Variants in DSCAML1 observed in about 807,000 individuals in gnomAD.
DSCAML1 encodes the protein DS cell adhesion molecule like 1.
Under a neutral mutation model 200.5 loss-of-function variants are expected in DSCAML1, and 38 were observed. The ratio of observed to expected loss-of-function variants is 0.19; its 90% CI spans 0.15 to 0.25. The LOEUF is 0.25. Among genes scored for constraint, DSCAML1 ranks in the 10% least tolerant of loss-of-function variants. The probability of loss-of-function intolerance (pLI) is 1.00; values close to 1 mark genes in which losing one functional copy is unlikely to be tolerated. For synonymous variants in DSCAML1, 1,215 were observed against 1,165.0 expected, an observed-to-expected ratio of 1.04 and a Z score of -0.87; for missense variants, 2,223 against 2,858.8, an observed-to-expected ratio of 0.78 and a Z score of 5.07.
intron 24 of DSCAML1, 45 bp from the exon 25 acceptor site, chr11:117,438,128 G>A: frequency 6.4e-7 from 1 of 1,551,308 alleles, no homozygotes; most frequent in Non-Finnish European, 8.8e-7. Flanking sequence ...GGCAGGGCAA[G>A]GCAGCAGAAG....
chr11:117,601,128 A>G (rs1397052472), intron 3 of DSCAML1, among the ~76,000 whole-genome samples: 1 of 151,068 alleles, frequency 6.6e-6, no homozygotes, highest in East Asian at 2.0e-4. Flanking sequence ...AGCTGTTCCC[A>G]GCCCCCACCC....
chr11:117,757,952 T>G (rs1591478295), intron 3 of DSCAML1, among the ~76,000 whole-genome samples: 1 of 151,978 alleles, frequency 6.6e-6, no homozygotes, highest in African/African-American at 2.4e-5. Context: ...ATGGCGCCAT[T>G]GCATCCAGCG....
intron 3 of DSCAML1, among the ~76,000 whole-genome samples, chr11:117,652,035 C>G (rs757448657): frequency 1.1e-4 from 16 of 152,304 alleles, no homozygotes; most frequent in Middle Eastern, 3.4e-3. Flanking sequence ...GCCTGGTGCT[C>G]TTGGCCTTGC....
At chr11:117,802,800 C>T (rs906423284) in intron 1 of DSCAML1, among the ~76,000 whole-genome samples, 1 of 152,092 alleles carries the variant, frequency 6.6e-6, no homozygotes, top group Non-Finnish European at 1.5e-5. Context: ...TGATTCTCAC[C>T]TAAAAGGATC....
chr11:117,773,552 C>CACAT (rs1021825603), intron 3 of DSCAML1, among the ~76,000 whole-genome samples: 1 of 151,826 alleles, frequency 6.6e-6, no homozygotes, highest in African/African-American at 2.4e-5. Context: ...CACACACACA[C>CACAT]ACACACACAC....
chr11:117,702,643 T>C (rs1290300511), intron 3 of DSCAML1, among the ~76,000 whole-genome samples: 1 of 152,206 alleles, frequency 6.6e-6, no homozygotes, highest in Non-Finnish European at 1.5e-5. Flanking sequence ...TCAGTACACG[T>C]TTGTTGCATG....
intron 1 of DSCAML1, among the ~76,000 whole-genome samples, chr11:117,810,609 C>T (rs960126439): frequency 6.6e-6 from 1 of 152,120 alleles, no homozygotes; most frequent in African/African-American, 2.4e-5. Flanking sequence ...TCCTTAAGAA[C>T]TTAAAACCTC....
intron 11 of DSCAML1, among the ~76,000 whole-genome samples, chr11:117,492,619 G>GTCGC (rs1180148509): frequency 6.6e-6 from 1 of 151,822 alleles, no homozygotes; most frequent in Non-Finnish European, 1.5e-5. Flanking sequence ...AAAGCCTTGT[G>GTCGC]TCGCTGCTCC....
At chr11:117,715,415 G>T (rs894180235) in intron 3 of DSCAML1, among the ~76,000 whole-genome samples, 3 of 152,140 alleles carry the variant, frequency 2.0e-5, no homozygotes, top group African/African-American at 7.2e-5. Flanking sequence ...AGAAGTTAAT[G>T]CACTTCAATG....
At chr11:117,705,791 T>C (rs1385901949) in intron 3 of DSCAML1, among the ~76,000 whole-genome samples, 2 of 152,196 alleles carry the variant, frequency 1.3e-5, no homozygotes, top group Admixed American at 1.3e-4. Context: ...AAGTGTTCCA[T>C]AGTGGGGAAG....
intron 4 of DSCAML1, among the ~76,000 whole-genome samples, chr11:117,529,759 T>TGG (rs1186523270): frequency 6.6e-6 from 1 of 151,854 alleles, no homozygotes; most frequent in Non-Finnish European, 1.5e-5. Flanking sequence ...CACTCGTGCC[T>TGG]GCCTCTCTGT....
At chr11:117,601,845 C>T (rs1232668307) in intron 3 of DSCAML1, among the ~76,000 whole-genome samples, 1 of 152,174 alleles carries the variant, frequency 6.6e-6, no homozygotes, top group Admixed American at 6.5e-5. Context: ...GGTTTTGATT[C>T]ATTGGTTTCT....
chr11:117,752,487 C>T (rs887835558), intron 3 of DSCAML1, among the ~76,000 whole-genome samples: 11 of 152,174 alleles, frequency 7.2e-5, no homozygotes, highest in African/African-American at 2.4e-4. Flanking sequence ...CCCTAAGAAG[C>T]TTAATCCAGA....
chr11:117,569,682 G>A (rs1267448620), intron 3 of DSCAML1, among the ~76,000 whole-genome samples: 4 of 152,166 alleles, frequency 2.6e-5, no homozygotes, highest in Non-Finnish European at 5.9e-5. Flanking sequence ...TCTTCCTGTA[G>A]GCTGAGTGAC....
intron 3 of DSCAML1, among the ~76,000 whole-genome samples, chr11:117,716,409 A>G (rs1341829974): frequency 6.6e-6 from 1 of 152,188 alleles, no homozygotes; most frequent in Non-Finnish European, 1.5e-5. Flanking sequence ...GAAGCGGGTC[A>G]CCAAACAAGA....
chr11:117,495,083 T>C (rs536577636), intron 11 of DSCAML1, among the ~76,000 whole-genome samples: 1 of 152,306 alleles, frequency 6.6e-6, no homozygotes, highest in South Asian at 2.1e-4. Context: ...ACCTTCTCAG[T>C]GCAGAGTGCC....
intron 8 of DSCAML1, among the ~76,000 whole-genome samples, chr11:117,512,761 T>TCACACACAAA (rs2049659773): frequency 8.8e-6 from 1 of 113,090 alleles, no homozygotes; most frequent in African/African-American, 3.6e-5. Context: ...TCCTCTAGGA[T>TCACACACAAA]CACACACACA....
At chr11:117,684,929 G>A (rs10892161) in intron 3 of DSCAML1, among the ~76,000 whole-genome samples, 42,958 of 152,166 alleles carry the variant, frequency 0.28, 7,103 homozygotes, top group African/African-American at 0.46. Context: ...GTGGGCCCCA[G>A]TGGAGATGCC....
At chr11:117,582,853 G>A (rs2051068198) in intron 3 of DSCAML1, among the ~76,000 whole-genome samples, 1 of 152,206 alleles carries the variant, frequency 6.6e-6, no homozygotes, top group African/African-American at 2.4e-5. Context: ...AAGCCTGAGT[G>A]GGAGAAACAT....
Sources: allele counts gnomAD v4.1 joint callset (sites outside exome capture counted in the v4.1 genomes callset), GRCh38; gene constraint gnomAD v4.1.1; transcripts MANE v1.5; gene names NCBI Gene and HGNC (gene_info 2026-07-23, HGNC 2026-07-21).